Variants in CNTNAP2 observed in about 807,000 individuals in gnomAD.
CNTNAP2 encodes contactin associated protein 2, also known as contactin-associated protein-like 2.
CNTNAP2 carries 98 observed loss-of-function variants against 155.2 expected under a neutral mutation model. The observed-to-expected ratio is 0.63, with a 90% CI of 0.54 to 0.75. The LOEUF (loss-of-function observed/expected upper bound fraction) is 0.75, where lower values mean the gene tolerates loss of function less well. Among genes scored for constraint, CNTNAP2 ranks in the 30% least tolerant of loss-of-function variants. The probability of loss-of-function intolerance (pLI) is 0.00; values close to 1 mark genes in which losing one functional copy is unlikely to be tolerated. For missense variants in CNTNAP2, 1,727 were observed against 1,688.1 expected (o/e 1.02, Z -0.40); for synonymous variants, 651 against 631.2 (o/e 1.03, Z -0.47).
chr7:146,415,304 AC>A (rs1795923341), intron 1 of CNTNAP2, among the ~76,000 whole-genome samples: 1 of 152,062 alleles, frequency 6.6e-6, no homozygotes, highest in African/African-American at 2.4e-5. Flanking sequence ...TAAAATGAAT[AC>A]TTTTTATTTG....
At chr7:147,238,135 C>T (rs1382849046) in intron 8 of CNTNAP2, among the ~76,000 whole-genome samples, 1 of 152,188 alleles carries the variant, frequency 6.6e-6, no homozygotes, top group Non-Finnish European at 1.5e-5. Context: ...CTGCCTCGGC[C>T]TCCCGAGTAG....
intron 21 of CNTNAP2, among the ~76,000 whole-genome samples, chr7:148,335,176 A>T (rs1798097260): frequency 6.6e-6 from 1 of 152,216 alleles, no homozygotes; most frequent in African/African-American, 2.4e-5. Flanking sequence ...AGAAGGAAAG[A>T]GCTCCCGTGG....
chr7:146,795,828 G>A (rs528401032), intron 2 of CNTNAP2, among the ~76,000 whole-genome samples: 9 of 152,262 alleles, frequency 5.9e-5, no homozygotes, highest in African/African-American at 1.9e-4. Flanking sequence ...CATGTTTATG[G>A]GAAGATGTGT....
At chr7:146,872,274 C>A (rs185834827) in intron 3 of CNTNAP2, among the ~76,000 whole-genome samples, 8 of 150,102 alleles carry the variant, frequency 5.3e-5, no homozygotes, top group Non-Finnish European at 1.0e-4. Flanking sequence ...GACCACCCCC[C>A]AAAAAACAAA....
At chr7:146,775,694 A>G (rs1802378486) in intron 2 of CNTNAP2, among the ~76,000 whole-genome samples, 1 of 151,948 alleles carries the variant, frequency 6.6e-6, no homozygotes, top group Non-Finnish European at 1.5e-5. Flanking sequence ...AAAGAGAGGG[A>G]GAAAAAATAT....
chr7:147,187,337 A>T (rs569409796), intron 8 of CNTNAP2, among the ~76,000 whole-genome samples: 1 of 152,248 alleles, frequency 6.6e-6, no homozygotes, highest in South Asian at 2.1e-4. Context: ...TCATTAATCA[A>T]TGCAGGGACA....
intron 8 of CNTNAP2, among the ~76,000 whole-genome samples, chr7:147,163,505 AATCTCCT>A (rs1250711306): frequency 1.3e-5 from 2 of 152,156 alleles, no homozygotes; most frequent in African/African-American, 4.8e-5. Flanking sequence ...ATGGTTCCTT[AATCTCCT>A]ATCTCCTATG....
At chr7:147,630,469 T>C (rs1037965378) in intron 12 of CNTNAP2, among the ~76,000 whole-genome samples, 2 of 152,108 alleles carry the variant, frequency 1.3e-5, no homozygotes, top group African/African-American at 4.8e-5. Flanking sequence ...CCTAAATCAT[T>C]CTGTGAAGTC....
intron 10 of CNTNAP2, among the ~76,000 whole-genome samples, chr7:147,408,393 T>G (rs1360728504): frequency 6.6e-6 from 1 of 152,168 alleles, no homozygotes; most frequent in Non-Finnish European, 1.5e-5. Flanking sequence ...GGATTTACAG[T>G]AGGTTCTTTC....
intron 13 of CNTNAP2, among the ~76,000 whole-genome samples, chr7:147,782,280 A>G (rs1023469841): frequency 1.3e-5 from 2 of 152,252 alleles, no homozygotes; most frequent in Admixed American, 1.3e-4. Flanking sequence ...CAAAATCAGG[A>G]AGGTGCAAAG....
chr7:147,518,833 C>G (rs888237803), intron 11 of CNTNAP2, among the ~76,000 whole-genome samples: 3 of 151,996 alleles, frequency 2.0e-5, no homozygotes, highest in African/African-American at 4.8e-5. Flanking sequence ...GAGTTCTAGA[C>G]CAGCCTGGCC....
At chr7:146,554,956 C>T (rs547962749) in intron 1 of CNTNAP2, among the ~76,000 whole-genome samples, 38 of 152,268 alleles carry the variant, frequency 2.5e-4, no homozygotes, top group African/African-American at 8.2e-4. Flanking sequence ...GATCTACTTA[C>T]GTATTATTTG....
chr7:146,445,014 A>G (rs1233657404), intron 1 of CNTNAP2, among the ~76,000 whole-genome samples: 2 of 151,958 alleles, frequency 1.3e-5, no homozygotes, highest in Non-Finnish European at 2.9e-5. Context: ...GTGGTTCCAC[A>G]CCAGGGACAT....
chr7:147,655,680 A>G (rs962920741), intron 13 of CNTNAP2, among the ~76,000 whole-genome samples: 27 of 152,168 alleles, frequency 1.8e-4, no homozygotes, highest in African/African-American at 5.5e-4. Flanking sequence ...CTGTCCTCCA[A>G]GCTTTGTTGT....
intron 21 of CNTNAP2, among the ~76,000 whole-genome samples, chr7:148,296,277 A>G (rs2116490610): frequency 6.6e-6 from 1 of 152,156 alleles, no homozygotes; most frequent in Middle Eastern, 3.4e-3. Flanking sequence ...TAGGCATGGT[A>G]GCTCACATCT....
Position 147,457,044 on chromosome 7 carries a change from G to A in CNTNAP2, c.1671-28891G>A, listed in dbSNP as rs564168732. Among the ~76,000 whole-genome samples the A allele has an allele frequency of 5.3e-5, 8 of 152,194 alleles. 1 individual carries two copies. In the East Asian group the frequency reaches 7.7e-4, roughly 15 times the overall value. On this transcript the variant is annotated intron_variant, in intron 10 of 23. Coordinates refer to ENST00000361727, the MANE Select transcript of CNTNAP2 (RefSeq NM_014141.6). The stretch of plus-strand genomic sequence containing the variant: ...AAAGTTACAAAGTAGTCAGGCCTTC[G>A]ATATGAATTCAAAACTAACTGGACC...
At chr7:147,976,449 AGGCCTAG>A (rs1801427132) in intron 14 of CNTNAP2, among the ~76,000 whole-genome samples, 1 of 152,240 alleles carries the variant, frequency 6.6e-6, no homozygotes, top group African/African-American at 2.4e-5. Flanking sequence ...CAGATATTTG[AGGCCTAG>A]TCATTAGTAG....
At chr7:147,352,317 T>C (rs1795981193) in intron 9 of CNTNAP2, among the ~76,000 whole-genome samples, 1 of 152,008 alleles carries the variant, frequency 6.6e-6, no homozygotes, top group Non-Finnish European at 1.5e-5. Flanking sequence ...TTAAACACTT[T>C]TGAGATATGG....
intron 18 of CNTNAP2, among the ~76,000 whole-genome samples, chr7:148,174,775 T>C (rs966166868): frequency 6.6e-6 from 1 of 152,218 alleles, no homozygotes; most frequent in African/African-American, 2.4e-5. Context: ...AGTTCTGCGA[T>C]ACATGTGCAG....
Sources: gnomAD v4.1 joint callset for allele counts (sites outside exome capture counted in the v4.1 genomes callset) on GRCh38, gnomAD v4.1.1 for gene constraint, MANE v1.5 for transcripts, NCBI Gene and HGNC (gene_info 2026-07-23, HGNC 2026-07-21) for gene names.